PHKA1: variants seen among roughly 807,000 people sequenced by gnomAD.
PHKA1 encodes phosphorylase b kinase regulatory subunit alpha, skeletal muscle isoform.
A neutral mutation model predicts 110.2 loss-of-function variants in PHKA1; 60 were observed. The observed-to-expected ratio is 0.54, with a 90% CI of 0.44 to 0.68. PHKA1 has a LOEUF of 0.68. Among genes scored for constraint, PHKA1 ranks in the 30% least tolerant of loss-of-function variants. The pLI is 0.00. For synonymous variants in PHKA1, 316 were observed against 333.6 expected (o/e 0.95, Z 0.58); for missense variants, 801 against 942.5 (o/e 0.85, Z 1.97).
chrX:72,693,303 T>G (rs997723139), intron 4 of PHKA1, among the ~76,000 whole-genome samples: 1 of 112,519 alleles, frequency 8.9e-6, no homozygotes, highest in African/African-American at 3.2e-5. Context: ...CTTATTGAGC[T>G]ACTAGCCTCC....
In PHKA1 at chrX:72,602,255, T is replaced by C; in HGVS notation, c.2936A>G (p.Asn979Ser). The change falls in exon 27 of 32, where the codon AAT becomes AGT. Residue 979 changes from asparagine to serine, a missense_variant. This residue lies in a region of PHKA1 where 502 missense variants were observed against 519.2 expected (regional missense o/e 0.97). Coordinates refer to ENST00000373542, the MANE Select transcript of PHKA1 (RefSeq NM_002637.4). ...GTGGATAGAAATAGCAGGACTGACATTTGAATCAGTGGGACGAACTATGTA... is the reference window on the plus strand; with the variant it reads ...GTGGATAGAAATAGCAGGACTGACACTTGAATCAGTGGGACGAACTATGTA... ...VERSVRPTDS[N>S]VSPAISIHEI... 8.5e-7 allele frequency: 1 copy of C among 1,176,357 alleles called. No homozygotes were observed. The highest frequency in any genetic ancestry group is 1.8e-5 in the South Asian group (1 of 56,029).
chrX:72,705,047 A>G (rs1556331827), intron 3 of PHKA1, 151 bp downstream of exon 3: 1 of 421,340 alleles, frequency 2.4e-6, no homozygotes, highest in Non-Finnish European at 4.4e-6. Flanking sequence ...TATGGGTGAC[A>G]TTATCCCTCT....
chrX:72,634,122 T>A (rs1226422022), intron 16 of PHKA1, among the ~76,000 whole-genome samples: 3 of 112,517 alleles, frequency 2.7e-5, no homozygotes, highest in Admixed American at 9.4e-5. Context: ...GGTTTAGTAA[T>A]TCTTTATATA....
At chrX:72,643,004 G>A (rs994486943) in intron 14 of PHKA1, among the ~76,000 whole-genome samples, 2 of 111,007 alleles carry the variant, frequency 1.8e-5, no homozygotes, top group African/African-American at 3.3e-5. Flanking sequence ...TAATAGCTCC[G>A]GAATGCAAGG....
intron 29 of PHKA1, among the ~76,000 whole-genome samples, chrX:72,584,751 G>GTT (rs1250306173): frequency 9.5e-6 from 1 of 104,920 alleles, no homozygotes; most frequent in African/African-American, 3.5e-5. Flanking sequence ...TTTAACACTT[G>GTT]TTTTTTTTTT....
chrX:72,583,462 G>A (rs1264447474), intron 30 of PHKA1, among the ~76,000 whole-genome samples: 4 of 111,468 alleles, frequency 3.6e-5, no homozygotes, highest in Non-Finnish European at 5.7e-5. Flanking sequence ...GACAAATGGG[G>A]GACATGGCAT....
At chrX:72,608,702 C>T (rs1556255584) in intron 23 of PHKA1, among the ~76,000 whole-genome samples, 2 of 111,016 alleles carry the variant, frequency 1.8e-5, no homozygotes, top group African/African-American at 3.3e-5. Context: ...AAAAGTATCC[C>T]TTCTGTAGCC....
chrX:72,605,121 T>TA lies in PHKA1; in HGVS notation c.2815+149dup, dbSNP rs1726872198. 2.7e-5 allele frequency: 14 copies of TA among 522,630 alleles called. No homozygotes were observed. The South Asian group carries it at 3.3e-4, about 12-fold the overall frequency. 43.1% of individuals were successfully genotyped at this position (522,630 alleles called of 1,213,427 possible). A position where few individuals can be genotyped will look rare whatever the true frequency, so the allele number is the denominator to read the frequency against. Reference sequence around the variant, plus strand: ...CATCATATCAGCTCCTTGACTTGCATAAATAGTGACCAACAGGGGAACAAG... The same window carrying TA: ...CATCATATCAGCTCCTTGACTTGCATAAAATAGTGACCAACAGGGGAACAAG... On this transcript the variant is annotated intron_variant, in intron 25 of 31. Coordinates refer to ENST00000373542, the MANE Select transcript of PHKA1 (RefSeq NM_002637.4).
At position 72,609,647 on chromosome X, in the gene PHKA1, T is replaced by C; in HGVS notation, c.2583A>G (p.Glu861=). The C allele has an allele frequency of 8.3e-7, 1 of 1,206,166 alleles. No homozygotes were observed. Among genetic ancestry groups the C allele is most frequent in the Non-Finnish European group, 1.1e-6 (1 of 890,558 alleles). Residue 861 remains glutamate, a synonymous_variant, in exon 23 of 32, where the codon GAA becomes GAG. Transcript: ENST00000373542. ...QKHLTVGLPP[E]PREKTISAPL... is the part of the protein sequence containing the mutation. The stretch of plus-strand genomic sequence containing the variant: ...ACGCAGAGATAGTCTTTTCTCGAGG[T>C]TCTGGAGGAAGTCCTACTGTCAAAT...
At chrX:72,644,279 A>T in intron 14 of PHKA1, 83 bp downstream of exon 14, 1 of 1,032,990 alleles carries the variant, frequency 9.7e-7, no homozygotes, top group Non-Finnish European at 1.3e-6. Flanking sequence ...AAAGCAATAC[A>T]CAATCATGAA....
intron 29 of PHKA1, among the ~76,000 whole-genome samples, chrX:72,585,053 A>G (rs1221946657): frequency 9.1e-6 from 1 of 109,624 alleles, no homozygotes; most frequent in Non-Finnish European, 1.9e-5. Context: ...TTATTTACAC[A>G]CTGTATCCAT....
At chrX:72,657,499 C>T (rs1349666618) in intron 9 of PHKA1, 89 bp downstream of exon 9, 7 of 637,290 alleles carry the variant, frequency 1.1e-5, no homozygotes, top group South Asian at 2.3e-5. Context: ...CTATAAGTAC[C>T]ATCAGTGAGG....
At chrX:72,642,337 TG>T (rs782405531) in intron 14 of PHKA1, among the ~76,000 whole-genome samples, 10 of 111,532 alleles carry the variant, frequency 9.0e-5, no homozygotes, top group South Asian at 3.8e-4. Context: ...AATGAGGCAA[TG>T]GGTAAAATTA....
At chrX:72,670,339 G>A (rs1421756594) in intron 6 of PHKA1, among the ~76,000 whole-genome samples, 2 of 111,756 alleles carry the variant, frequency 1.8e-5, no homozygotes, top group African/African-American at 6.5e-5. Context: ...TGTTCACTCT[G>A]ATGGTAGTTT....
intron 21 of PHKA1, among the ~76,000 whole-genome samples, chrX:72,617,902 C>T (rs2052922018): frequency 9.1e-6 from 1 of 109,891 alleles, no homozygotes; most frequent in Non-Finnish European, 1.9e-5. Flanking sequence ...GCCAGCATTA[C>T]CCTGATACCA....
At chrX:72,645,961 A>C (rs2147750224) in intron 13 of PHKA1, among the ~76,000 whole-genome samples, 1 of 112,091 alleles carries the variant, frequency 8.9e-6, no homozygotes, top group South Asian at 3.8e-4. Flanking sequence ...AGGAGAAACA[A>C]GGGATTAGGA....
chrX:72,597,195 T>C (rs1330399202), intron 28 of PHKA1, among the ~76,000 whole-genome samples: 1 of 112,026 alleles, frequency 8.9e-6, no homozygotes, highest in Non-Finnish European at 1.9e-5. Context: ...TGGCTGGCAT[T>C]TAGAAACTTA....
intron 29 of PHKA1, among the ~76,000 whole-genome samples, chrX:72,584,600 G>C (rs1005864610): frequency 9.0e-6 from 1 of 111,461 alleles, no homozygotes; most frequent in Non-Finnish European, 1.9e-5. Context: ...AATATTCAGA[G>C]ACTATCTGGA....
chrX:72,627,633 T>C (rs1277718724), intron 16 of PHKA1, among the ~76,000 whole-genome samples: 1 of 111,282 alleles, frequency 9.0e-6, no homozygotes, highest in African/African-American at 3.3e-5. Flanking sequence ...TGAAGACCAT[T>C]GTACCTACAT....
Sources: allele counts gnomAD v4.1 joint callset (sites outside exome capture counted in the v4.1 genomes callset), GRCh38; gene constraint gnomAD v4.1.1; regional missense constraint gnomAD v4.1.1; transcripts MANE v1.5; gene names NCBI Gene and HGNC (gene_info 2026-07-23, HGNC 2026-07-21).